The following ACLY variants were observed in gnomAD, a reference collection of about 807,000 sequenced individuals.
The protein encoded by ACLY is ATP citrate lyase, also known as ATP-citrate synthase.
ACLY carries 41 observed loss-of-function variants against 133.0 expected under a neutral mutation model. The observed-to-expected ratio is 0.31, with a 90% CI of 0.24 to 0.40. The LOEUF (loss-of-function observed/expected upper bound fraction) is 0.40. Ranked by LOEUF, ACLY falls within the 10% of genes least tolerant of loss-of-function variation. ACLY has a pLI of 1.00. For synonymous variants in ACLY, 495 were observed against 549.3 expected, an observed-to-expected ratio of 0.90 and a Z score of 1.38; for missense variants, 1,046 against 1,453.8, an observed-to-expected ratio of 0.72 and a Z score of 4.56.
chr17:41,881,479 C>T (rs1555627331), intron 20 of ACLY, among the ~76,000 whole-genome samples: 2 of 144,036 alleles, frequency 1.4e-5, no homozygotes, highest in Non-Finnish European at 1.5e-5. Flanking sequence ...AGCGGACTGA[C>T]AAGGCATGGG....
intron 22 of ACLY, among the ~76,000 whole-genome samples, chr17:41,876,225 C>A (rs1444916045): frequency 1.3e-5 from 2 of 152,024 alleles, no homozygotes; most frequent in African/African-American, 4.8e-5. Context: ...CGGCAGCCAC[C>A]CCGTCCGGGA....
chr17:41,906,801 A>C (rs2049733387), intron 7 of ACLY, among the ~76,000 whole-genome samples, 155 bp from the exon 8 acceptor site: 1 of 152,204 alleles, frequency 6.6e-6, no homozygotes, highest in Non-Finnish European at 1.5e-5. Flanking sequence ...TGCCTTGAAG[A>C]CACTTGATGG....
chr17:41,873,339 C>T (rs2048647727), intron 23 of ACLY, among the ~76,000 whole-genome samples: 1 of 152,160 alleles, frequency 6.6e-6, no homozygotes, highest in Admixed American at 6.5e-5. Context: ...ACCACTATGC[C>T]TGGCTACCTT....
chr17:41,878,959 C>T, intron 20 of ACLY, 35 bp from the exon 21 acceptor site: 1 of 1,612,910 alleles, frequency 6.2e-7, no homozygotes, highest in Non-Finnish European at 8.5e-7. Flanking sequence ...TACTGCTAAT[C>T]CCCCAAGAGT....
chr17:41,899,230 T>C (rs1479924718), intron 11 of ACLY, among the ~76,000 whole-genome samples: 1 of 151,982 alleles, frequency 6.6e-6, no homozygotes, highest in African/African-American at 2.4e-5. Context: ...TAAGCTGAGA[T>C]TGCGCCACTG....
Position 41,906,650 on chromosome 17 carries a change from G to A in ACLY, c.748-4C>T, listed in dbSNP as rs374012941. ...CGAGGTCTGCAATGTAGGCTTCCTG[G>A]GGACCAGACAGCAACAGGTAGGCCC... is the stretch of plus-strand genomic sequence containing the variant. On this transcript the variant is annotated splice_polypyrimidine_tract_variant and splice_region_variant and intron_variant, in intron 7 of 28. Transcript: ENST00000352035. 2.4e-4 allele frequency: 383 copies of A among 1,613,772 alleles called. 1 individual carries two copies. The highest frequency in any genetic ancestry group is 3.2e-4 in the Non-Finnish European group (372 of 1,179,766).
chr17:41,903,103 A>G (rs868920384), intron 10 of ACLY, among the ~76,000 whole-genome samples: 1 of 152,072 alleles, frequency 6.6e-6, no homozygotes, highest in Non-Finnish European at 1.5e-5. Flanking sequence ...ACTTCTTGAG[A>G]CCTCAGACTT....
intron 20 of ACLY, among the ~76,000 whole-genome samples, chr17:41,879,698 A>G (rs1188525300): frequency 3.1e-5 from 4 of 129,156 alleles, no homozygotes; most frequent in Non-Finnish European, 6.4e-5. Context: ...GAAGTGCTAA[A>G]TGGTGTCTGT....
At chr17:41,909,454 A>C in intron 5 of ACLY, 56 bp downstream of exon 5, 1 of 1,575,668 alleles carries the variant, frequency 6.3e-7, no homozygotes, top group South Asian at 1.2e-5. Flanking sequence ...CTGTGCCCAG[A>C]GCCTGTCGGT....
intron 16 of ACLY, among the ~76,000 whole-genome samples, chr17:41,888,284 A>G (rs1240746339): frequency 3.3e-5 from 5 of 152,200 alleles, no homozygotes; most frequent in African/African-American, 9.7e-5. Flanking sequence ...TGATCCACCC[A>G]AGAGAGGCAG....
chr17:41,899,414 C>T (rs2049462802), intron 11 of ACLY, among the ~76,000 whole-genome samples: 1 of 152,204 alleles, frequency 6.6e-6, no homozygotes, highest in Non-Finnish European at 1.5e-5. Flanking sequence ...CATGCATCCA[C>T]CAGTGCTTGG....
At position 41,867,759 on chromosome 17, in the gene ACLY, T is replaced by A. The variant is rs781833567; in HGVS notation, c.*51A>T. On this transcript the variant is annotated 3_prime_UTR_variant, in exon 29 of 29. Transcript: ENST00000352035. Reference sequence around the variant, plus strand: ...TGCCAGCTGTCTGTACACTTTTTCTTGGGGGAAGAGATCTTGTCTTCAGTT... The same window carrying A: ...TGCCAGCTGTCTGTACACTTTTTCTAGGGGGAAGAGATCTTGTCTTCAGTT... 3 of 1,461,178 alleles carry A rather than the reference T, an allele frequency of 2.1e-6. No homozygotes were observed. The highest frequency in any genetic ancestry group is 1.9e-5 in the Admixed American group (1 of 53,546). The allele number at this position is 1,461,178 out of a possible 1,614,324, so 90.5% of individuals were successfully genotyped here. A position where few individuals can be genotyped will look rare whatever the true frequency, so the allele number is the denominator to read the frequency against.
At chr17:41,930,429 G>T in exon 1 of ACLY, 1 of 326,798 alleles carries the variant, frequency 3.1e-6, no homozygotes, top group Non-Finnish European at 5.8e-6. Flanking sequence ...TCTTACAAGG[G>T]AGCCTTTTCA....
Position 41,867,695 on chromosome 17 carries a change from T to G in ACLY, c.*115A>C, listed in dbSNP as rs1597957633. 1.9e-5 allele frequency: 14 copies of G among 731,356 alleles called. No individual in the cohort carries two copies. The allele number at this position is 731,356 out of a possible 1,614,324, so 45.3% of individuals were successfully genotyped here. A position where few individuals can be genotyped will look rare whatever the true frequency, so the allele number is the denominator to read the frequency against. On this transcript the variant is annotated 3_prime_UTR_variant, in exon 29 of 29. Transcript: ENST00000352035. The stretch of plus-strand genomic sequence containing the variant: ...TTCGGTGCCTGTACCCCAGTGGCTG[T>G]TTACATTCCAGGCCCCTGCTAAATA...
At chr17:41,913,687 A>C in intron 2 of ACLY, 28 bp downstream of exon 2, 2 of 1,609,314 alleles carry the variant, frequency 1.2e-6, no homozygotes, top group Non-Finnish European at 1.7e-6. Context: ...GGCCTGGAAG[A>C]AAGGCCCAAA....
intron 10 of ACLY, among the ~76,000 whole-genome samples, chr17:41,903,251 A>ATCTT (rs1225754423): frequency 6.6e-6 from 1 of 152,126 alleles, no homozygotes; most frequent in Non-Finnish European, 1.5e-5. Flanking sequence ...TTGGGTGGCT[A>ATCTT]TCTTGAAAGG....
chr17:41,879,349 A>G (rs1329641361), intron 20 of ACLY, among the ~76,000 whole-genome samples: 5 of 147,942 alleles, frequency 3.4e-5, no homozygotes, highest in Admixed American at 2.7e-4. Flanking sequence ...CAGGTGATCC[A>G]CCAGCCTCGG....
chr17:41,913,067 T>C (rs782160315), intron 2 of ACLY, among the ~76,000 whole-genome samples: 2 of 152,178 alleles, frequency 1.3e-5, no homozygotes, highest in Non-Finnish European at 2.9e-5. Context: ...CCTTTGTGGT[T>C]GAGCTGCCTC....
intron 11 of ACLY, among the ~76,000 whole-genome samples, chr17:41,899,878 C>CA (rs1324798758): frequency 2.6e-5 from 4 of 151,216 alleles, no homozygotes; most frequent in Admixed American, 6.6e-5. Flanking sequence ...AGTTCGTCTA[C>CA]AAAAAAATTA....
Sources: gnomAD v4.1 joint callset for allele counts (sites outside exome capture counted in the v4.1 genomes callset) on GRCh38, gnomAD v4.1.1 for gene constraint, MANE v1.5 for transcripts, NCBI Gene and HGNC (gene_info 2026-07-23, HGNC 2026-07-21) for gene names.